The following MAGI2 variants were observed in gnomAD, a reference collection of about 807,000 sequenced individuals.
The protein encoded by MAGI2 is membrane associated guanylate kinase, WW and PDZ domain containing 2.
Under a neutral mutation model 133.3 loss-of-function variants are expected in MAGI2, and 35 were observed. That is an observed-to-expected ratio of 0.26 (90% confidence interval 0.20 to 0.35). The LOEUF is 0.35. Ranked by LOEUF, MAGI2 falls within the 10% of genes least tolerant of loss-of-function variation. The probability of loss-of-function intolerance (pLI) is 1.00; values close to 1 mark genes in which losing one functional copy is unlikely to be tolerated. For missense variants in MAGI2, 1,636 were observed against 1,863.4 expected (o/e 0.88, Z 2.25); for synonymous variants, 729 against 710.6 (o/e 1.03, Z -0.41).
chr7:79,294,343 T>C (rs1057453071), intron 1 of MAGI2, among the ~76,000 whole-genome samples: 1 of 151,914 alleles, frequency 6.6e-6, no homozygotes. Flanking sequence ...ATAGAATTTA[T>C]TGGGCAGAAA....
At chr7:79,325,330 C>A (rs1419823494) in intron 1 of MAGI2, among the ~76,000 whole-genome samples, 1 of 152,142 alleles carries the variant, frequency 6.6e-6, no homozygotes, top group Non-Finnish European at 1.5e-5. Flanking sequence ...GAATGTCCTT[C>A]TTGAGACTTT....
intron 18 of MAGI2, among the ~76,000 whole-genome samples, chr7:78,132,518 TGC>T (rs940120292): frequency 2.6e-5 from 4 of 152,252 alleles, no homozygotes; most frequent in Non-Finnish European, 5.9e-5. Context: ...CTTCTCCTTC[TGC>T]CACCCCATAT....
At chr7:78,143,285 G>T (rs943030493) in intron 16 of MAGI2, among the ~76,000 whole-genome samples, 2 of 152,098 alleles carry the variant, frequency 1.3e-5, no homozygotes, top group Admixed American at 1.3e-4. Context: ...TTCCCTGTAG[G>T]GCAGAAAAGC....
At chr7:78,301,474 C>T (rs925896883) in intron 9 of MAGI2, among the ~76,000 whole-genome samples, 2 of 152,124 alleles carry the variant, frequency 1.3e-5, no homozygotes, top group Non-Finnish European at 2.9e-5. Context: ...GAGACTCAGG[C>T]GACACAAGAA....
chr7:78,270,076 A>G (rs961197893), intron 9 of MAGI2, among the ~76,000 whole-genome samples: 1 of 152,126 alleles, frequency 6.6e-6, no homozygotes, highest in African/African-American at 2.4e-5. Context: ...AAATGCTGGT[A>G]GATATGTGGT....
intron 1 of MAGI2, among the ~76,000 whole-genome samples, chr7:79,306,511 T>C (rs1837828464): frequency 6.6e-6 from 1 of 151,862 alleles, no homozygotes; most frequent in African/African-American, 2.4e-5. Context: ...TACTTTCAAA[T>C]TCTTTCTGTA....
At chr7:78,918,406 A>C (rs899983113) in intron 2 of MAGI2, among the ~76,000 whole-genome samples, 3 of 152,206 alleles carry the variant, frequency 2.0e-5, no homozygotes, top group Admixed American at 6.5e-5. Flanking sequence ...GTGATCTTTA[A>C]ATGATCTCAA....
intron 6 of MAGI2, among the ~76,000 whole-genome samples, chr7:78,427,599 T>C (rs1197896061): frequency 6.7e-6 from 1 of 148,766 alleles, no homozygotes; most frequent in Non-Finnish European, 1.5e-5. Context: ...AATAGACAAA[T>C]GTATAATCAT....
chr7:78,729,504 G>T, intron 2 of MAGI2, among the ~76,000 whole-genome samples: 1 of 152,244 alleles, frequency 6.6e-6, no homozygotes, highest in Admixed American at 6.5e-5. Flanking sequence ...AGGCATCTTG[G>T]CCAACAGACT....
chr7:79,047,199 A>G (rs529166919), intron 1 of MAGI2, among the ~76,000 whole-genome samples: 2 of 152,274 alleles, frequency 1.3e-5, no homozygotes, highest in African/African-American at 2.4e-5. Flanking sequence ...ATTATTTGCC[A>G]TATAACTATA....
At position 78,578,642 on chromosome 7, in the gene MAGI2, G is replaced by A. The variant is rs143416546; in HGVS notation, c.538+48478C>T. On this transcript the variant is annotated intron_variant, in intron 3 of 21. Transcript: ENST00000354212. Reference sequence around the variant, plus strand: ...TAGAAGATACAAAAAGGAAGGGAAAGAGAAAGGAAGAAGGAGGACTGCTTT... The same window carrying A: ...TAGAAGATACAAAAAGGAAGGGAAAAAGAAAGGAAGAAGGAGGACTGCTTT... Among the ~76,000 whole-genome samples the A allele has an allele frequency of 1.5e-4, 23 of 152,260 alleles. No homozygotes were observed. The East Asian group carries it at 3.5e-3, about 23-fold the overall frequency.
chr7:78,213,500 C>G (rs1438657378), intron 10 of MAGI2, among the ~76,000 whole-genome samples: 2 of 152,228 alleles, frequency 1.3e-5, no homozygotes, highest in African/African-American at 4.8e-5. Flanking sequence ...GTTCACACTT[C>G]TGTTAAGTTT....
chr7:78,763,523 G>T (rs980991561), intron 2 of MAGI2, among the ~76,000 whole-genome samples: 43 of 152,232 alleles, frequency 2.8e-4, no homozygotes, highest in African/African-American at 8.7e-4. Flanking sequence ...ATGATATTTC[G>T]AAGGGATGAC....
At chr7:78,053,549 C>T (rs2151114675) in intron 21 of MAGI2, among the ~76,000 whole-genome samples, 1 of 152,360 alleles carries the variant, frequency 6.6e-6, no homozygotes, top group African/African-American at 2.4e-5. Flanking sequence ...CTTCTAAATG[C>T]TTCTCTCTGG....
chr7:78,062,598 T>G (rs542500031), intron 21 of MAGI2, among the ~76,000 whole-genome samples: 13 of 152,216 alleles, frequency 8.5e-5, no homozygotes, highest in African/African-American at 3.1e-4. Flanking sequence ...CTTCACCAAC[T>G]TCTCTTACTT....
At chr7:79,250,053 C>T (rs1258263172) in intron 1 of MAGI2, among the ~76,000 whole-genome samples, 1 of 151,956 alleles carries the variant, frequency 6.6e-6, no homozygotes, top group African/African-American at 2.4e-5. Flanking sequence ...ATCATTTCAA[C>T]TGATGATAAA....
At chr7:79,341,455 G>T (rs1840898667) in intron 1 of MAGI2, among the ~76,000 whole-genome samples, 1 of 151,938 alleles carries the variant, frequency 6.6e-6, no homozygotes, top group Non-Finnish European at 1.5e-5. Context: ...TTGAGTATTT[G>T]TTGGACAAGA....
chr7:79,081,397 G>T (rs780473702), intron 1 of MAGI2, among the ~76,000 whole-genome samples: 15 of 152,024 alleles, frequency 9.9e-5, no homozygotes, highest in Non-Finnish European at 1.6e-4. Flanking sequence ...CTCAATTATT[G>T]TCTATCTCCC....
At chr7:78,339,102 G>T (rs1790083087) in intron 9 of MAGI2, among the ~76,000 whole-genome samples, 1 of 152,200 alleles carries the variant, frequency 6.6e-6, no homozygotes, top group African/African-American at 2.4e-5. Flanking sequence ...ACAATTACGT[G>T]TTTATGGGCC....
Sources: allele counts gnomAD v4.1 joint callset (sites outside exome capture counted in the v4.1 genomes callset), GRCh38; gene constraint gnomAD v4.1.1; transcripts MANE v1.5; gene names NCBI Gene and HGNC (gene_info 2026-07-23, HGNC 2026-07-21).